The following AP4S1 variants were observed in gnomAD, a reference collection of about 807,000 sequenced individuals.
AP4S1 encodes the protein adaptor related protein complex 4 subunit sigma 1.
Under a neutral mutation model 19.8 loss-of-function variants are expected in AP4S1, and 23 were observed. That is an observed-to-expected ratio of 1.16 (90% CI 0.84 to 1.65). The LOEUF is 1.65. Among genes scored for constraint, AP4S1 ranks in the 40% most tolerant of loss-of-function variants. The pLI is 0.00. For missense variants in AP4S1, 166 were observed against 172.8 expected (o/e 0.96, Z 0.22); for synonymous variants, 46 against 54.1 (o/e 0.85, Z 0.66).
chr14:31,032,076 A>G (rs1468517757), intron 1 of AP4S1, among the ~76,000 whole-genome samples: 4 of 65,304 alleles, frequency 6.1e-5, no homozygotes, highest in Admixed American at 3.5e-4. Flanking sequence ...TGTCCCAAAA[A>G]AAAAAAAAAA....
intron 4 of AP4S1, among the ~76,000 whole-genome samples, chr14:31,079,222 A>G (rs551894903): frequency 2.6e-5 from 4 of 152,262 alleles, no homozygotes; most frequent in African/African-American, 9.6e-5. Context: ...TTCTTCCTCC[A>G]TACTTTTTTC....
intron 1 of AP4S1, among the ~76,000 whole-genome samples, chr14:31,055,605 C>T (rs1004433356): frequency 6.6e-6 from 1 of 152,162 alleles, no homozygotes; most frequent in African/African-American, 2.4e-5. Flanking sequence ...GACTATTAAA[C>T]TATACTGTAC....
intron 1 of AP4S1, among the ~76,000 whole-genome samples, chr14:31,044,645 G>A (rs577408083): frequency 7.9e-5 from 12 of 151,614 alleles, no homozygotes; most frequent in African/African-American, 2.7e-4. Context: ...CACGAACCTG[G>A]ACCTGCTAGT....
chr14:31,076,168 T>G (rs1251125485), intron 4 of AP4S1, among the ~76,000 whole-genome samples: 2 of 152,220 alleles, frequency 1.3e-5, no homozygotes, highest in African/African-American at 4.8e-5. Context: ...CTTTCAGTTC[T>G]CTTGGACTAC....
intron 5 of AP4S1, among the ~76,000 whole-genome samples, chr14:31,081,569 T>G (rs1413640436): frequency 2.0e-5 from 3 of 152,060 alleles, no homozygotes. Flanking sequence ...ATTTTTTACT[T>G]CAAAAATCTA....
chr14:31,073,129 T>A, intron 4 of AP4S1, 156 bp downstream of exon 4: 1 of 695,396 alleles, frequency 1.4e-6, no homozygotes, highest in Non-Finnish European at 2.6e-6. Flanking sequence ...TCTTTCCTTC[T>A]GGTTTATCCA....
At chr14:31,053,597 T>C (rs868141207) in intron 1 of AP4S1, among the ~76,000 whole-genome samples, 10 of 115,802 alleles carry the variant, frequency 8.6e-5, no homozygotes, top group Middle Eastern at 4.4e-3. Flanking sequence ...TTCTTTTTTT[T>C]TTTTTTTTTT....
chr14:31,060,846 A>G (rs1162767826), intron 1 of AP4S1, among the ~76,000 whole-genome samples: 1 of 152,072 alleles, frequency 6.6e-6, no homozygotes, highest in South Asian at 2.1e-4. Context: ...ACATTCAGGC[A>G]TCTAGTGAAA....
At chr14:31,084,638 T>A in intron 5 of AP4S1, 1 of 1,459,990 alleles carries the variant, frequency 6.8e-7, no homozygotes, top group Non-Finnish European at 9.3e-7. Flanking sequence ...TCAGTTCCAC[T>A]CCACCCGCCC....
In AP4S1 at chr14:31,093,224, C is replaced by G; in HGVS notation, c.*189C>G. 2.1e-6 allele frequency: 1 copy of G among 484,954 alleles called. No homozygotes were observed. The highest frequency in any genetic ancestry group is 3.4e-6 in the Non-Finnish European group (1 of 296,860). The allele number at this position is 484,954 out of a possible 1,614,324, so 30.0% of individuals were successfully genotyped here. A position where few individuals can be genotyped will look rare whatever the true frequency, so the allele number is the denominator to read the frequency against. On this transcript the variant is annotated 3_prime_UTR_variant, in exon 6 of 6. Transcript: ENST00000542754. Reference sequence around the variant, plus strand: ...ACACAACTGTACTTTAAAATATGTACAAAGAAAAAAATTTCTTTAAACTGA... The same window carrying G: ...ACACAACTGTACTTTAAAATATGTAGAAAGAAAAAAATTTCTTTAAACTGA...
At chr14:31,035,175 C>T (rs949603107) in intron 1 of AP4S1, among the ~76,000 whole-genome samples, 51 of 145,018 alleles carry the variant, frequency 3.5e-4, no homozygotes, top group Non-Finnish European at 1.1e-4. Flanking sequence ...ATCACACCTA[C>T]AAAATTAATG....
chr14:31,037,718 G>A (rs1407651983), intron 1 of AP4S1, among the ~76,000 whole-genome samples: 5 of 152,180 alleles, frequency 3.3e-5, no homozygotes, highest in Non-Finnish European at 5.9e-5. Context: ...AGGAGGCCAA[G>A]GTGGGAGGAT....
Position 31,026,432 on chromosome 14 carries a change from G to A in AP4S1, c.-72+645G>A, listed in dbSNP as rs192110782. 4 of 407,442 alleles carry A rather than the reference G, an allele frequency of 9.8e-6. 1 individual carries two copies. In the East Asian group the frequency reaches 1.3e-4, roughly 13 times the overall value. 25.2% of individuals were successfully genotyped at this position (407,442 alleles called of 1,614,324 possible). On this transcript the variant is annotated intron_variant, in intron 1 of 5. Coordinates refer to ENST00000542754, the MANE Select transcript of AP4S1 (RefSeq NM_001128126.3). ...AAGGGGGGGCCTCGGCGGGAGGGGT[G>A]GGGGGAGAGTTGGGAAGGGGATAGG...
chr14:31,026,006 C>G (rs1403374406), intron 1 of AP4S1: 1 of 1,552,862 alleles, frequency 6.4e-7, no homozygotes, highest in Non-Finnish European at 8.7e-7. Flanking sequence ...TGTACTGCTG[C>G]GGCCGGGACA....
chr14:31,082,921 G>A (rs1043403327), intron 5 of AP4S1, among the ~76,000 whole-genome samples: 1 of 151,982 alleles, frequency 6.6e-6, no homozygotes, highest in Non-Finnish European at 1.5e-5. Flanking sequence ...GACTAGAAGA[G>A]CTTTAACACC....
At chr14:31,047,674 C>T (rs1885498583) in intron 1 of AP4S1, among the ~76,000 whole-genome samples, 1 of 152,076 alleles carries the variant, frequency 6.6e-6, no homozygotes, top group Non-Finnish European at 1.5e-5. Context: ...GGACTACAGG[C>T]GTGAGCCACC....
At chr14:31,077,933 A>C (rs1161484815) in intron 4 of AP4S1, among the ~76,000 whole-genome samples, 1 of 151,558 alleles carries the variant, frequency 6.6e-6, no homozygotes, top group Non-Finnish European at 1.5e-5. Flanking sequence ...TTAGGGTTTC[A>C]CCATATTGGC....
chr14:31,053,805 G>C (rs1271395252), intron 1 of AP4S1, among the ~76,000 whole-genome samples: 1 of 151,592 alleles, frequency 6.6e-6, no homozygotes, highest in Non-Finnish European at 1.5e-5. Context: ...TACCAGAAGA[G>C]AATAGTTGCT....
At chr14:31,080,721 G>C in intron 5 of AP4S1, 137 bp downstream of exon 5, 1 of 1,254,752 alleles carries the variant, frequency 8.0e-7, no homozygotes, top group Non-Finnish European at 1.2e-6. Flanking sequence ...AAGACAGCCA[G>C]AGGTGTGTGT....
Sources: allele counts gnomAD v4.1 joint callset (sites outside exome capture counted in the v4.1 genomes callset), GRCh38; gene constraint gnomAD v4.1.1; transcripts MANE v1.5; gene names NCBI Gene and HGNC (gene_info 2026-07-23, HGNC 2026-07-21).